Variants in NUP160 observed in about 807,000 individuals in gnomAD.
The protein encoded by NUP160 is nucleoporin 160.
A neutral mutation model predicts 196.9 loss-of-function variants in NUP160; 94 were observed. That is an observed-to-expected ratio of 0.48 (90% confidence interval 0.40 to 0.57). NUP160 has a LOEUF of 0.57. Ranked by LOEUF, NUP160 falls within the 20% of genes least tolerant of loss-of-function variation. The pLI is 0.00. For missense variants in NUP160, 1,638 were observed against 1,748.3 expected, an observed-to-expected ratio of 0.94 and a Z score of 1.13; for synonymous variants, 605 against 619.7, an observed-to-expected ratio of 0.98 and a Z score of 0.35.
intron 11 of NUP160, among the ~76,000 whole-genome samples, chr11:47,817,432 T>A (rs1345391934): frequency 6.6e-6 from 1 of 150,654 alleles, no homozygotes; most frequent in Non-Finnish European, 1.5e-5. Context: ...AACCTCTGCC[T>A]CCCGGGTTCA....
intron 4 of NUP160, among the ~76,000 whole-genome samples, chr11:47,838,462 C>G (rs1007136481): frequency 2.0e-5 from 3 of 152,136 alleles, no homozygotes; most frequent in African/African-American, 7.2e-5. Flanking sequence ...AATCCCAGCA[C>G]TTTGGGAAGC....
chr11:47,816,770 T>A (rs1377457702), intron 11 of NUP160, among the ~76,000 whole-genome samples: 5 of 100,926 alleles, frequency 5.0e-5, no homozygotes, highest in African/African-American at 1.8e-4. Context: ...AGCGAGACCC[T>A]GCCTCAAAGG....
intron 7 of NUP160, among the ~76,000 whole-genome samples, chr11:47,833,462 G>GA (rs61549262): frequency 0.91 from 131,845 of 144,358 alleles, 60,804 homozygotes; most frequent in Non-Finnish European, 0.99. Flanking sequence ...CATCACAAAA[G>GA]AAAAAAAAAA....
chr11:47,841,015 T>TAC (rs781306928), intron 2 of NUP160, among the ~76,000 whole-genome samples: 12 of 137,144 alleles, frequency 8.7e-5, no homozygotes, highest in African/African-American at 3.4e-4. Flanking sequence ...TGCGCACACA[T>TAC]ATACACACAC....
At chr11:47,783,264 T>G in intron 33 of NUP160, 66 bp from the exon 34 acceptor site, 1 of 1,544,966 alleles carries the variant, frequency 6.5e-7, no homozygotes, top group Non-Finnish European at 8.7e-7. Flanking sequence ...GACCAAAGAA[T>G]GTTGAGTGGC....
intron 34 of NUP160, among the ~76,000 whole-genome samples, chr11:47,781,299 G>A (rs1344217414): frequency 6.6e-6 from 1 of 151,150 alleles, no homozygotes; most frequent in Admixed American, 6.6e-5. Context: ...GTCTCACTCT[G>A]TCACTCAGGC....
At chr11:47,780,314 C>T (rs748502561) in intron 35 of NUP160, 29 bp downstream of exon 35, 1 of 1,455,666 alleles carries the variant, frequency 6.9e-7, no homozygotes, top group Non-Finnish European at 9.7e-7. Context: ...GGGGCTTACA[C>T]AAGACGTCTC....
chr11:47,806,225 G>A, exon 20 of NUP160: 1 of 1,613,932 alleles, frequency 6.2e-7, no homozygotes, highest in African/African-American at 1.3e-5. Context: ...GCTCAGAGGT[G>A]CCTTTGGCTG....
intron 4 of NUP160, among the ~76,000 whole-genome samples, chr11:47,839,301 G>A (rs1599348587): frequency 6.6e-6 from 1 of 152,148 alleles, no homozygotes; most frequent in Non-Finnish European, 1.5e-5. Context: ...ATGTTGGTCA[G>A]GTTGATCTCC....
At chr11:47,780,304 G>A in intron 35 of NUP160, 39 bp downstream of exon 35, 5 of 1,323,586 alleles carry the variant, frequency 3.8e-6, no homozygotes, top group Non-Finnish European at 4.4e-6. Flanking sequence ...TGCTAGTGCA[G>A]GGGCTTACAC....
chr11:47,796,178 C>T, intron 27 of NUP160: 1 of 280,278 alleles, frequency 3.6e-6, no homozygotes, highest in Non-Finnish European at 6.5e-6. Context: ...AAAAAAGGAG[C>T]AGCTGCGGAA....
At chr11:47,784,456 G>C (rs2097663384) in intron 33 of NUP160, among the ~76,000 whole-genome samples, 1 of 152,170 alleles carries the variant, frequency 6.6e-6, no homozygotes, top group Non-Finnish European at 1.5e-5. Flanking sequence ...TGACTTTTTT[G>C]AGGTATGAAG....
At position 47,816,019 on chromosome 11, in the gene NUP160, C is replaced by T. The variant is rs141773064; in HGVS notation, c.1442G>A (p.Arg481Gln). 1.9e-4 allele frequency: 311 copies of T among 1,612,198 alleles called. No individual in the cohort carries two copies. The highest frequency in any genetic ancestry group is 2.5e-4 in the Non-Finnish European group (297 of 1,178,550). The change falls in exon 12 of 36, where the codon CGA becomes CAA. Residue 481 changes from arginine to glutamine, a missense_variant. By Grantham distance (43) the Arg-to-Gln change is conservative. Around this residue, in one of 3 missense-constraint regions of NUP160, gnomAD observed 1,345 missense variants for 1,470.2 expected, o/e 0.91. Transcript: ENST00000378460. ...AAGATCCAAATTCCTCTCAGTTCCT[C>T]GGCAGAAAATCTAACATTAAAAGAC... is the stretch of plus-strand genomic sequence containing the variant.
At chr11:47,781,560 G>C (rs1361287767) in intron 34 of NUP160, among the ~76,000 whole-genome samples, 1 of 152,102 alleles carries the variant, frequency 6.6e-6, no homozygotes, top group Non-Finnish European at 1.5e-5. Flanking sequence ...TATTGCACCT[G>C]GCTGATTTCA....
At position 47,848,253 on chromosome 11, in the gene NUP160, CG is replaced by C. The variant is rs757085531; in HGVS notation, c.167del (p.Pro56ArgfsTer22). On this transcript the variant is annotated frameshift_variant, in exon 1 of 36. Transcript: ENST00000378460. LOFTEE classifies it high-confidence loss of function. ...AGACTGTGAATTCCCGAAAGTGCCT[CG>C]GCCTTTCGCGCTCAGCTCCGCTTAG... The C allele has an allele frequency of 1.2e-6, 2 of 1,614,210 alleles. No homozygotes were observed. The highest frequency in any genetic ancestry group is 2.2e-5 in the South Asian group (2 of 91,088).
At chr11:47,812,735 T>A (rs1447001251) in intron 15 of NUP160, 147 bp downstream of exon 15, 2 of 631,894 alleles carry the variant, frequency 3.2e-6, no homozygotes, top group East Asian at 5.7e-5. Flanking sequence ...CTGTTAAAAG[T>A]AGAAATATGT....
At chr11:47,828,754 A>C (rs1290323671) in intron 7 of NUP160, among the ~76,000 whole-genome samples, 4 of 152,232 alleles carry the variant, frequency 2.6e-5, no homozygotes, top group Admixed American at 1.3e-4. Flanking sequence ...AGATCAATGG[A>C]ACAGAATTGA....
Position 47,824,028 on chromosome 11 carries a change from TATATATATATATATATATATATATAC to T in NUP160, c.1102-1890_1102-1865del, listed in dbSNP as rs1399385467. Reference sequence around the variant, plus strand: ...TTTTGCATATATATATATATATATATATATATATATATATATATATATATACACACACACATAGAAGTGGAATTTCT... The same window carrying T: ...TTTTGCATATATATATATATATATATACACACACATAGAAGTGGAATTTCT... On this transcript the variant is annotated intron_variant, in intron 7 of 35. Transcript: ENST00000378460. 5.9e-5 allele frequency among the ~76,000 whole-genome samples: 7 copies of T among 119,068 alleles called. No individual in the cohort carries two copies. The South Asian group carries it at 1.3e-3, about 22-fold the overall frequency. 78.1% of individuals were successfully genotyped at this position (119,068 alleles called of 152,430 possible). A position where few individuals can be genotyped will look rare whatever the true frequency, so the allele number is the denominator to read the frequency against.
intron 5 of NUP160, among the ~76,000 whole-genome samples, chr11:47,837,299 G>C (rs1412528130): frequency 1.3e-5 from 2 of 152,074 alleles, no homozygotes; most frequent in African/African-American, 4.8e-5. Flanking sequence ...GGGTAAGTCG[G>C]GGCAGAGCAC....
Sources: allele counts gnomAD v4.1 joint callset (sites outside exome capture counted in the v4.1 genomes callset), GRCh38; gene constraint gnomAD v4.1.1; regional missense constraint gnomAD v4.1.1; transcripts MANE v1.5; gene names NCBI Gene and HGNC (gene_info 2026-07-23, HGNC 2026-07-21).